The following MTA2 variants were observed in gnomAD, a reference collection of about 807,000 sequenced individuals.
MTA2 encodes metastasis associated 1 family member 2.
MTA2 carries 22 observed loss-of-function variants against 87.1 expected under a neutral mutation model. The observed-to-expected ratio is 0.25, with a 90% CI of 0.18 to 0.36. The LOEUF (loss-of-function observed/expected upper bound fraction) is 0.36, where lower values mean the gene tolerates loss of function less well. Ranked by LOEUF, MTA2 falls within the 10% of genes least tolerant of loss-of-function variation. The probability of loss-of-function intolerance (pLI) is 1.00; values close to 1 mark genes in which losing one functional copy is unlikely to be tolerated. For missense variants in MTA2, 542 were observed against 853.2 expected, an observed-to-expected ratio of 0.64 and a Z score of 4.54; for synonymous variants, 314 against 310.1, an observed-to-expected ratio of 1.01 and a Z score of -0.13.
At chr11:62,594,754 A>T in intron 15 of MTA2, 120 bp from the exon 16 acceptor site, 2 of 968,154 alleles carry the variant, frequency 2.1e-6, no homozygotes, top group South Asian at 3.1e-5. Flanking sequence ...GCAATGGGGG[A>T]ATGTTCTGGC....
chr11:62,601,541 G>T lies in MTA2; in HGVS notation c.-91C>A. ...GCTCGAGGCAAAGCCCCGAACGGTG[G>T]GCTGCCGCTTCGAGGGAGTCTCACT... On this transcript the variant is annotated 5_prime_UTR_variant, in exon 1 of 18. Transcript: ENST00000278823. The T allele has an allele frequency of 4.7e-6, 7 of 1,475,970 alleles. No homozygotes were observed. In the South Asian group the frequency reaches 8.8e-5, roughly 18 times the overall value. 91.4% of individuals were successfully genotyped at this position (1,475,970 alleles called of 1,614,324 possible).
chr11:62,593,439 GAA>G lies in MTA2; in HGVS notation c.*434_*435del, dbSNP rs769531642. ...GACAGAAAGAGAAACCCCCAATTAG[GAA>G]AAAAAAAAAAAAAAAAAAAAAAAAA... is the stretch of plus-strand genomic sequence containing the variant. On this transcript the variant is annotated 3_prime_UTR_variant, in exon 18 of 18. Coordinates refer to ENST00000278823, the MANE Select transcript of MTA2 (RefSeq NM_004739.4). 4 of 23,258 alleles carry G rather than the reference GAA, an allele frequency of 1.7e-4. No homozygotes were observed. The highest frequency in any genetic ancestry group is 1.2e-3 in the South Asian group (1 of 824). 1.4% of individuals were successfully genotyped at this position (23,258 alleles called of 1,614,324 possible). A position where few individuals can be genotyped will look rare whatever the true frequency, so the allele number is the denominator to read the frequency against.
Position 62,595,704 on chromosome 11 carries a change from T to C in MTA2, c.1254+48A>G, listed in dbSNP as rs936198312. On this transcript the variant is annotated intron_variant, in intron 13 of 17. Transcript: ENST00000278823. This position sits in a 1 kb window ranked among gnomAD's most constrained non-coding sequence, Gnocchi z 4.9. ...TTCTGGCCTTCACCTAAGCTCACCA[T>C]CAATATGCTTACTGCTCTCCCCTGC... is the stretch of plus-strand genomic sequence containing the variant. 2.5e-6 allele frequency: 4 copies of C among 1,606,916 alleles called. No homozygotes were observed. Among genetic ancestry groups the C allele is most frequent in the Non-Finnish European group, 3.4e-6 (4 of 1,175,796 alleles).
At chr11:62,600,591 G>T (rs202185199) in intron 2 of MTA2, 31 bp downstream of exon 2, 2 of 1,595,398 alleles carry the variant, frequency 1.3e-6, no homozygotes, top group Non-Finnish European at 1.7e-6. Context: ...ACCACTGCGG[G>T]AGGGAGGGAG....
chr11:62,601,237 C>T, intron 1 of MTA2, 186 bp downstream of exon 1: 4 of 729,316 alleles, frequency 5.5e-6, no homozygotes, highest in Non-Finnish European at 8.9e-6. Context: ...CTCTGGGAGT[C>T]TCGGAGCCCT....
chr11:62,593,868 C>T lies in MTA2; in HGVS notation c.*7G>A, dbSNP rs1333070298. 1 of 1,614,122 alleles carries T rather than the reference C, an allele frequency of 6.2e-7. No homozygotes were observed. Among genetic ancestry groups the T allele is most frequent in the South Asian group, 1.1e-5 (1 of 91,082 alleles). ...CCTCTCAGCCCACCTCCCTTCCCCA[C>T]AGGTGCTCAGTCCTCCAGGACAATA... is the stretch of plus-strand genomic sequence containing the variant. On this transcript the variant is annotated 3_prime_UTR_variant, in exon 18 of 18. Coordinates refer to ENST00000278823, the MANE Select transcript of MTA2 (RefSeq NM_004739.4).
At chr11:62,600,916 A>G (rs745720859) in intron 1 of MTA2, 16 of 541,724 alleles carry the variant, frequency 3.0e-5, no homozygotes, top group Non-Finnish European at 4.9e-5. Context: ...AGAGAGCCTT[A>G]AGGAACAGGC....
chr11:62,596,715 C>T lies in MTA2; in HGVS notation c.804G>A (p.Trp268Ter). Residue 268 changes from tryptophan (W) to a stop codon, truncating the protein, a stop_gained, in exon 9 of 18, where the codon TGG becomes TGA. Transcript: ENST00000278823. LOFTEE classifies it high-confidence loss of function. Reference sequence around the variant, plus strand: ...CAAATAGCATGGCCTCTGAGGCTGACCATTCCTCCATCTCATCCCGACACA... The same window carrying T: ...CAAATAGCATGGCCTCTGAGGCTGATCATTCCTCCATCTCATCCCGACACA... Reference protein sequence around the residue: ...PVLCRDEMEEWSASEAMLFEE... With the variant: ...PVLCRDEMEE The T allele has an allele frequency of 6.2e-7, 1 of 1,614,200 alleles. No homozygotes were observed. Among genetic ancestry groups the T allele is most frequent in the Non-Finnish European group, 8.5e-7 (1 of 1,180,014 alleles).
chr11:62,594,213 C>G, intron 17 of MTA2, 46 bp downstream of exon 17: 1 of 1,609,660 alleles, frequency 6.2e-7, no homozygotes, highest in South Asian at 1.1e-5. Context: ...CCACACTCAC[C>G]AGCCTGGACT....
intron 16 of MTA2, 54 bp from the exon 17 acceptor site, chr11:62,594,461 T>C (rs201594538): frequency 7.4e-6 from 12 of 1,613,432 alleles, no homozygotes; most frequent in Non-Finnish European, 1.0e-5. Flanking sequence ...CAGACTCCTA[T>C]GAGAGACAAA....
chr11:62,597,062 G>A (rs536228393), intron 8 of MTA2, among the ~76,000 whole-genome samples: 1 of 152,258 alleles, frequency 6.6e-6, no homozygotes, highest in African/African-American at 2.4e-5. Flanking sequence ...GGTGGCGGGT[G>A]CCTGTAGTCC....
In MTA2 at chr11:62,597,669, G is replaced by C. The variant is rs1942117527; in HGVS notation, c.534C>G (p.Val178=). 6.2e-7 allele frequency: 1 copy of C among 1,614,044 alleles called. No individual in the cohort carries two copies. The highest frequency in any genetic ancestry group is 1.3e-5 in the African/African-American group (1 of 74,906). Residue 178 remains valine (V), a synonymous_variant, in exon 7 of 18, where the codon GTC becomes GTG. Transcript: ENST00000278823. ...CTGTGAGAGGGTTGTCTGGGTCCCAGACCTTCATCTCCATCTTCTGCTGGT... is the reference window on the plus strand; with the variant it reads ...CTGTGAGAGGGTTGTCTGGGTCCCACACCTTCATCTCCATCTTCTGCTGGT... The part of the protein sequence containing the change: ...NRNQQKMEMK[V]WDPDNPLTDR...
rs1554963819 is a variant in MTA2 at position 62,598,318 on chromosome 11, C to A, written c.372+9G>T. On this transcript the variant is annotated intron_variant, in intron 5 of 17. Transcript: ENST00000278823. The stretch of plus-strand genomic sequence containing the variant: ...TCCCCTCGCTCTTCTCTCAACATCT[C>A]TTTCTCACCTCCTTTTCCAGGTACT... The A allele has an allele frequency of 6.2e-7, 1 of 1,613,800 alleles. No homozygotes were observed. Among genetic ancestry groups the A allele is most frequent in the Non-Finnish European group, 8.5e-7 (1 of 1,179,824 alleles).
chr11:62,601,084 C>T (rs1942184554), intron 1 of MTA2: 2 of 505,948 alleles, frequency 4.0e-6, no homozygotes, highest in African/African-American at 2.0e-5. Flanking sequence ...GGCTCCCCCG[C>T]GGTGGCAAAG....
chr11:62,597,762 T>G lies in MTA2; in HGVS notation c.491-50A>C, dbSNP rs201177812. 401 of 1,478,724 alleles carry G rather than the reference T, an allele frequency of 2.7e-4. 1 individual carries two copies. In the African/African-American group the frequency reaches 5.0e-3, roughly 19 times the overall value. 91.6% of individuals were successfully genotyped at this position (1,478,724 alleles called of 1,614,324 possible). ...ACAGGGAGAGGGCAGGGGGGAACAG[T>G]TGGTGTCTTTTCATTCACAATAGCA... is the stretch of plus-strand genomic sequence containing the variant. On this transcript the variant is annotated intron_variant, in intron 6 of 17. Coordinates refer to ENST00000278823, the MANE Select transcript of MTA2 (RefSeq NM_004739.4).
At chr11:62,594,091 A>G (rs1214747702) in intron 17 of MTA2, 51 bp from the exon 18 acceptor site, 2 of 1,554,310 alleles carry the variant, frequency 1.3e-6, no homozygotes, top group African/African-American at 1.4e-5. Context: ...GAACATTAAG[A>G]CCTCCAGGTG....
At position 62,598,300 on chromosome 11, in the gene MTA2, G is replaced by A. The variant is rs368513135; in HGVS notation, c.372+27C>T. ...TTTGCGGGCAATACCCATTCCCCTC[G>A]CTCTTCTCTCAACATCTCTTTCTCA... is the stretch of plus-strand genomic sequence containing the variant. On this transcript the variant is annotated intron_variant, in intron 5 of 17. Coordinates refer to ENST00000278823, the MANE Select transcript of MTA2 (RefSeq NM_004739.4). 35 of 1,609,858 alleles carry A rather than the reference G, an allele frequency of 2.2e-5. No individual in the cohort carries two copies. The African/African-American group carries it at 2.3e-4, about 10-fold the overall frequency.
chr11:62,595,867 G>A lies in MTA2; in HGVS notation c.1139C>T (p.Ala380Val). Residue 380 changes from alanine (A) to valine (V), a missense_variant, in exon 13 of 18, where the codon GCC becomes GTC. Physicochemically the swap from Ala to Val is moderately conservative, Grantham distance 64. Around this residue, in one of 6 missense-constraint regions of MTA2, gnomAD observed 46 missense variants for 109.1 expected, o/e 0.42. Coordinates refer to ENST00000278823, the MANE Select transcript of MTA2 (RefSeq NM_004739.4). This position sits in a 1 kb window ranked among gnomAD's most constrained non-coding sequence, Gnocchi z 4.9. ...GCACTGCATGTTAGGTGGGCCCCAG[G>A]CATACCACTGAGCAGACTGTGTGGC... Reference protein sequence around the residue: ...CHTTQSAQWYAWGPPNMQCRL... With the variant: ...CHTTQSAQWYVWGPPNMQCRL... The A allele has an allele frequency of 6.2e-7, 1 of 1,614,156 alleles. No homozygotes were observed. Among genetic ancestry groups the A allele is most frequent in the Non-Finnish European group, 8.5e-7 (1 of 1,180,040 alleles).
intron 1 of MTA2, chr11:62,601,077 TC>T (rs1942184462): frequency 2.0e-6 from 1 of 495,842 alleles, no homozygotes; most frequent in Admixed American, 4.0e-5. Context: ...TCCGGGCGGC[TC>T]CCCCGCGGTG....
Sources: gnomAD v4.1 joint callset for allele counts (sites outside exome capture counted in the v4.1 genomes callset) on GRCh38, gnomAD v4.1.1 for gene constraint, gnomAD v4.1.1 regional missense constraint, Gnocchi (gnomAD v3.1) non-coding constraint, MANE v1.5 for transcripts, NCBI Gene and HGNC (gene_info 2026-07-23, HGNC 2026-07-21) for gene names.